Variants in SEL1L2 observed in about 807,000 individuals in gnomAD.
SEL1L2 encodes protein sel-1 homolog 2.
Under a neutral mutation model 98.8 loss-of-function variants are expected in SEL1L2, and 89 were observed. That is an observed-to-expected ratio of 0.90 (90% CI 0.76 to 1.07). SEL1L2 has a LOEUF of 1.07. Ranked by LOEUF, SEL1L2 falls within the 50% of genes least tolerant of loss-of-function variation. The probability of loss-of-function intolerance (pLI) is 0.00; values close to 1 mark genes in which losing one functional copy is unlikely to be tolerated. For synonymous variants in SEL1L2, 262 were observed against 278.5 expected (o/e 0.94, Z 0.59); for missense variants, 788 against 812.0 (o/e 0.97, Z 0.36).
intron 5 of SEL1L2, among the ~76,000 whole-genome samples, chr20:13,900,466 T>C (rs1161000666): frequency 6.6e-6 from 1 of 152,180 alleles, no homozygotes; most frequent in African/African-American, 2.4e-5. Flanking sequence ...TGAGTTCTTG[T>C]TGTTTCAAAA....
At chr20:13,885,464 TTTATGTGGTGATTTTACTTTA>T (rs1274936417) in intron 9 of SEL1L2, 61 bp from the exon 10 acceptor site, 1 of 1,088,310 alleles carries the variant, frequency 9.2e-7, no homozygotes, top group Non-Finnish European at 1.4e-6. Context: ...AAAGAAAACA[TTTATGTGGTGATTTTACTTTA>T]GTATGTTGAT....
chr20:13,974,475 C>CTTTTTTTTTTTT (rs11484437), intron 1 of SEL1L2, among the ~76,000 whole-genome samples: 1 of 80,180 alleles, frequency 1.2e-5, no homozygotes, highest in Non-Finnish European at 2.2e-5. Flanking sequence ...CTCTCTCTCT[C>CTTTTTTTTTTTT]TTTTTTTTTT....
chr20:13,869,605 C>T lies in SEL1L2; in HGVS notation c.1168-15G>A. The stretch of plus-strand genomic sequence containing the variant: ...TCGGCATAATTCTGCAAGATAATTA[C>T]ACTCTATTACTCAAAGGCACAAGTA... On this transcript the variant is annotated splice_polypyrimidine_tract_variant and intron_variant, in intron 13 of 19. Transcript: ENST00000284951. 8 of 1,601,456 alleles carry T rather than the reference C, an allele frequency of 5.0e-6. No homozygotes were observed. Among genetic ancestry groups the T allele is most frequent in the Non-Finnish European group, 6.8e-6 (8 of 1,168,496 alleles).
chr20:13,970,364 C>A (rs1161072935), intron 1 of SEL1L2, among the ~76,000 whole-genome samples: 3 of 152,098 alleles, frequency 2.0e-5, no homozygotes, highest in Non-Finnish European at 4.4e-5. Flanking sequence ...TAAGGGATAA[C>A]CTTGAACATG....
intron 8 of SEL1L2, among the ~76,000 whole-genome samples, chr20:13,886,722 T>A (rs2046972720): frequency 6.6e-6 from 1 of 152,036 alleles, no homozygotes; most frequent in African/African-American, 2.4e-5. Context: ...ACCCCGTCTC[T>A]ACTAAAAATA....
At chr20:13,931,469 G>A (rs926779313) in intron 3 of SEL1L2, 134 bp downstream of exon 3, 4 of 472,824 alleles carry the variant, frequency 8.5e-6, no homozygotes, top group Non-Finnish European at 1.3e-5. Context: ...GTAGAAGACT[G>A]CAGAATTTAA....
chr20:13,901,597 C>G (rs749629935), intron 5 of SEL1L2, among the ~76,000 whole-genome samples: 6 of 151,750 alleles, frequency 4.0e-5, no homozygotes, highest in Admixed American at 1.3e-4. Context: ...GTCAAAGCTA[C>G]CATTTCTCAA....
At chr20:13,985,096 C>A (rs2148570810) in intron 1 of SEL1L2, among the ~76,000 whole-genome samples, 1 of 152,078 alleles carries the variant, frequency 6.6e-6, no homozygotes, top group South Asian at 2.1e-4. Context: ...CGTTGGATAT[C>A]CCCTCTCCCC....
chr20:13,981,735 C>T (rs1483522743), intron 1 of SEL1L2, among the ~76,000 whole-genome samples: 1 of 152,218 alleles, frequency 6.6e-6, no homozygotes, highest in Non-Finnish European at 1.5e-5. Flanking sequence ...CTCTTGCAGT[C>T]ATCAGTCCTG....
chr20:13,907,700 CTCTTTCTT>C (rs10665105), intron 5 of SEL1L2, among the ~76,000 whole-genome samples: 7,143 of 125,358 alleles, frequency 0.057, 222 homozygotes, highest in South Asian at 0.11. Flanking sequence ...TTCTTTCTTT[CTCTTTCTT>C]TCTTTCTTTC....
chr20:13,859,333 T>C lies in SEL1L2; in HGVS notation c.1747A>G (p.Asn583Asp). Residue 583 changes from asparagine to aspartate, a missense_variant, in exon 18 of 20, where the codon AAC (asparagine) becomes GAC (aspartate). Physicochemically the swap from Asn to Asp is conservative, Grantham distance 23 (BLOSUM62 1). Coordinates refer to ENST00000284951, the MANE Select transcript of SEL1L2 (RefSeq NM_025229.2). The stretch of plus-strand genomic sequence containing the variant: ...ATGGCTTGCGCGTTGTGGTATTTGT[T>C]GGCTGCAATGCTGTAGTGTGTGGCT... ...TAATHYSIAA[N>D]KYHNAQAMFN... The C allele has an allele frequency of 6.2e-7, 1 of 1,614,210 alleles. No homozygotes were observed. The highest frequency in any genetic ancestry group is 8.5e-7 in the Non-Finnish European group (1 of 1,180,016).
intron 2 of SEL1L2, among the ~76,000 whole-genome samples, chr20:13,946,543 C>A (rs979043794): frequency 6.6e-6 from 1 of 152,218 alleles, no homozygotes; most frequent in African/African-American, 2.4e-5. Flanking sequence ...GCAGCCACTG[C>A]AGAAATGCCA....
Position 13,964,446 on chromosome 20 carries a change from C to CTTTTTTTTT in SEL1L2, c.59-8316_59-8315insAAAAAAAAA, listed in dbSNP as rs568049752. Among the ~76,000 whole-genome samples, 2 of 105,360 alleles carry CTTTTTTTTT rather than the reference C, an allele frequency of 1.9e-5. 1 individual carries two copies. 69.1% of individuals were successfully genotyped at this position (105,360 alleles called of 152,430 possible). A position where few individuals can be genotyped will look rare whatever the true frequency, so the allele number is the denominator to read the frequency against. ...TGTGCTCTGCTATCTGCTATCTCTT[C>CTTTTTTTTT]ATTTTTTTTTTTTTTTTTTTTCTGA... On this transcript the variant is annotated intron_variant, in intron 1 of 19. Coordinates refer to ENST00000284951, the MANE Select transcript of SEL1L2 (RefSeq NM_025229.2).
rs562082056 is a variant in SEL1L2, at chr20:13,982,917, G to A, written c.58+7560C>T. Among the ~76,000 whole-genome samples the A allele has an allele frequency of 6.7e-5, 10 of 149,882 alleles. No individual in the cohort carries two copies. The South Asian group carries it at 1.5e-3, about 22-fold the overall frequency. On this transcript the variant is annotated intron_variant, in intron 1 of 19. Transcript: ENST00000284951. ...TGAGCACCTGTAGTCCCAGCTACTC[G>A]GGAGGCTGAGGCAGAAGAATTGCTT... is the stretch of plus-strand genomic sequence containing the variant.
intron 1 of SEL1L2, among the ~76,000 whole-genome samples, chr20:13,973,076 TC>T (rs1214713256): frequency 1.7e-4 from 26 of 152,176 alleles, no homozygotes; most frequent in Non-Finnish European, 3.5e-4. Flanking sequence ...CACCTCCCTG[TC>T]TGTTTGTATT....
intron 4 of SEL1L2, among the ~76,000 whole-genome samples, chr20:13,914,432 AT>A (rs2048320950): frequency 6.6e-6 from 1 of 152,244 alleles, no homozygotes; most frequent in Non-Finnish European, 1.5e-5. Flanking sequence ...TCATATCTTA[AT>A]TTGCTAAACA....
chr20:13,873,395 C>T (rs1300152604), intron 12 of SEL1L2, among the ~76,000 whole-genome samples: 1 of 151,848 alleles, frequency 6.6e-6, no homozygotes, highest in African/African-American at 2.4e-5. Context: ...CAGAGTCTTG[C>T]TCTGTTGCCA....
intron 1 of SEL1L2, among the ~76,000 whole-genome samples, chr20:13,967,457 C>T (rs1002530368): frequency 6.6e-6 from 1 of 152,142 alleles, no homozygotes; most frequent in African/African-American, 2.4e-5. Context: ...TTAAAAGGCA[C>T]AGATACAGTC....
chr20:13,864,488 T>C (rs770526994), intron 17 of SEL1L2, among the ~76,000 whole-genome samples: 13 of 152,160 alleles, frequency 8.5e-5, no homozygotes, highest in African/African-American at 1.9e-4. Context: ...TTTAATAATA[T>C]AATTTTAGGG....
Sources: gnomAD v4.1 joint callset for allele counts (sites outside exome capture counted in the v4.1 genomes callset) on GRCh38, gnomAD v4.1.1 for gene constraint, MANE v1.5 for transcripts, NCBI Gene and HGNC (gene_info 2026-07-23, HGNC 2026-07-21) for gene names.